CCDC175: variants seen among roughly 807,000 people sequenced by gnomAD.
CCDC175 encodes the protein coiled-coil domain-containing protein 175.
CCDC175 carries 100 observed loss-of-function variants against 114.6 expected under a neutral mutation model. The ratio of observed to expected loss-of-function variants is 0.87; its 90% confidence interval spans 0.74 to 1.03. CCDC175 has a LOEUF of 1.03. CCDC175 is among the 50% of genes least tolerant of loss of function. The pLI is 0.00. For synonymous variants in CCDC175, 306 were observed against 308.7 expected (o/e 0.99, Z 0.09); for missense variants, 880 against 917.8 (o/e 0.96, Z 0.53).
intron 19 of CCDC175, 66 bp from the exon 20 acceptor site, chr14:59,505,381 G>T: frequency 1.2e-6 from 1 of 851,814 alleles, no homozygotes; most frequent in Non-Finnish European, 1.7e-6. Context: ...GGTTATTAGT[G>T]TTCATTAAAA....
rs575625839 is a variant in CCDC175, at chr14:59,547,405, C to G, written c.1036-2106G>C. 2.6e-5 allele frequency among the ~76,000 whole-genome samples: 4 copies of G among 152,232 alleles called. No homozygotes were observed. The East Asian group carries it at 7.7e-4, about 29-fold the overall frequency. On this transcript the variant is annotated intron_variant, in intron 8 of 19. Transcript: ENST00000537690. ...TTGAAAAGGTCAAGAATAGCTGGAACACTTTTGAAGAACAAAGGTGAAGGA... is the reference window on the plus strand; with the variant it reads ...TTGAAAAGGTCAAGAATAGCTGGAAGACTTTTGAAGAACAAAGGTGAAGGA...
rs375932162 is a variant in CCDC175 at position 59,538,071 on chromosome 14, T to C, written c.1575A>G (p.Ala525=). 5.0e-5 allele frequency: 76 copies of C among 1,531,502 alleles called. No homozygotes were observed. The African/African-American group carries it at 8.8e-4, about 18-fold the overall frequency. The allele number at this position is 1,531,502 out of a possible 1,614,324, so 94.9% of individuals were successfully genotyped here. ...LTTELKEEEK[A]FVNKEKMLMK... ...TTAACATTTTTTCTTTGTTAACAAA[T>C]GCTTTCTCCTCTTCTTTTAATTCTG... The change falls in exon 13 of 20, where the codon GCA becomes GCG. Residue 525 remains alanine, a synonymous_variant. Coordinates refer to ENST00000537690, the MANE Select transcript of CCDC175 (RefSeq NM_001164399.2).
At position 59,568,290 on chromosome 14, in the gene CCDC175, A is replaced by G; in HGVS notation, c.446T>C (p.Leu149Pro). Residue 149 changes from leucine (L) to proline (P), a missense_variant, in exon 4 of 20, where the codon CTG (leucine) becomes CCG (proline). Transcript: ENST00000537690. ...TGTCAGGTCAGTTATTTTCTTCTTC[A>G]GAAGCTCTATTTCATTCTCTGTCCT... ...ITRTENEIELLKKKITDLTKY... is the reference protein window; with the variant it reads ...ITRTENEIELPKKKITDLTKY... The G allele has an allele frequency of 6.5e-7, 1 of 1,533,054 alleles. No homozygotes were observed. Among genetic ancestry groups the G allele is most frequent in the South Asian group, 1.2e-5 (1 of 82,726 alleles). 95.0% of individuals were successfully genotyped at this position (1,533,054 alleles called of 1,614,324 possible). A position where few individuals can be genotyped will look rare whatever the true frequency, so the allele number is the denominator to read the frequency against.
chr14:59,566,197 C>G (rs1273235223), intron 4 of CCDC175, among the ~76,000 whole-genome samples: 1 of 152,186 alleles, frequency 6.6e-6, no homozygotes, highest in African/African-American at 2.4e-5. Context: ...CCTCACACAT[C>G]CATTGCGGGC....
intron 17 of CCDC175, among the ~76,000 whole-genome samples, chr14:59,517,122 C>A (rs1201928588): frequency 6.6e-6 from 1 of 152,272 alleles, no homozygotes; most frequent in Middle Eastern, 3.4e-3. Context: ...TTCAACAGCC[C>A]TTCATGCTAA....
At chr14:59,560,999 T>C in intron 7 of CCDC175, 120 bp downstream of exon 7, 1 of 543,312 alleles carries the variant, frequency 1.8e-6, no homozygotes, top group Non-Finnish European at 3.2e-6. Context: ...ACTAAGAGAA[T>C]ATAATTTTCA....
At chr14:59,531,976 GAATATA>G in intron 13 of CCDC175, 66 bp from the exon 14 acceptor site, 1 of 798,726 alleles carries the variant, frequency 1.3e-6, no homozygotes, top group Non-Finnish European at 1.9e-6. Flanking sequence ...ATTTAAAGTA[GAATATA>G]AGTTTTTTGA....
intron 6 of CCDC175, 54 bp downstream of exon 6, chr14:59,563,683 T>A: frequency 8.8e-7 from 1 of 1,142,848 alleles, no homozygotes; most frequent in Non-Finnish European, 1.1e-6. Flanking sequence ...AACTCCTTTT[T>A]TATTGAGGTG....
intron 4 of CCDC175, among the ~76,000 whole-genome samples, chr14:59,566,950 C>T (rs1351675167): frequency 6.6e-6 from 1 of 152,182 alleles, no homozygotes; most frequent in Admixed American, 6.5e-5. Flanking sequence ...AGCAGCATCA[C>T]CTGTCAGGAA....
At chr14:59,525,488 G>A in intron 15 of CCDC175, 54 bp from the exon 16 acceptor site, 1 of 1,346,054 alleles carries the variant, frequency 7.4e-7, no homozygotes, top group Non-Finnish European at 1.0e-6. Context: ...TAGGGCACGA[G>A]GGTATTATAC....
At chr14:59,547,328 A>T (rs1176715533) in intron 8 of CCDC175, among the ~76,000 whole-genome samples, 11 of 152,248 alleles carry the variant, frequency 7.2e-5, no homozygotes, top group African/African-American at 1.9e-4. Flanking sequence ...TTACAGATTT[A>T]ACACAATCCC....
chr14:59,532,761 T>C (rs1894145507), intron 13 of CCDC175, among the ~76,000 whole-genome samples: 1 of 152,278 alleles, frequency 6.6e-6, no homozygotes, highest in African/African-American at 2.4e-5. Flanking sequence ...GTTAGGCTCA[T>C]GCTGAGGATG....
chr14:59,515,232 T>C (rs898904096), intron 17 of CCDC175, among the ~76,000 whole-genome samples: 1 of 152,166 alleles, frequency 6.6e-6, no homozygotes, highest in Non-Finnish European at 1.5e-5. Flanking sequence ...GTAAAGACCA[T>C]TGAGGCTAGG....
intron 7 of CCDC175, among the ~76,000 whole-genome samples, chr14:59,552,866 G>A (rs1464571022): frequency 1.0e-5 from 1 of 97,010 alleles, no homozygotes; most frequent in African/African-American, 3.0e-5. Context: ...AAGGGTATCA[G>A]TGATTGAAAT....
intron 13 of CCDC175, among the ~76,000 whole-genome samples, chr14:59,534,564 C>CAGTTGCAGAAGGTCAAGTCCTAT (rs1343983478): frequency 1.3e-5 from 2 of 152,170 alleles, no homozygotes; most frequent in Admixed American, 1.3e-4. Context: ...CTAGATATCA[C>CAGTTGCAGAAGGTCAAGTCCTAT]AGTTGCAGAA....
chr14:59,568,477 T>C lies in CCDC175; in HGVS notation c.356-97A>G, dbSNP rs114822249. 160 of 954,886 alleles carry C rather than the reference T, an allele frequency of 1.7e-4. 1 individual carries two copies. Among genetic ancestry groups the C allele is most frequent in the African/African-American group, 1.1e-3 (63 of 58,132 alleles). 59.2% of individuals were successfully genotyped at this position (954,886 alleles called of 1,614,324 possible). A position where few individuals can be genotyped will look rare whatever the true frequency, so the allele number is the denominator to read the frequency against. ...AAAAAGCTTTCTTTGAAATATTCTT[T>C]TAATAATGTTTTTTATCAAGCATTT... is the stretch of plus-strand genomic sequence containing the variant. On this transcript the variant is annotated intron_variant, in intron 3 of 19. Transcript: ENST00000537690.
At chr14:59,568,495 A>C (rs1000521572) in intron 3 of CCDC175, 115 bp from the exon 4 acceptor site, 154 of 842,348 alleles carry the variant, frequency 1.8e-4, no homozygotes, top group Non-Finnish European at 2.5e-4. Flanking sequence ...GTTTTTTATC[A>C]AGCATTTCTT....
chr14:59,532,886 A>C lies in CCDC175; in HGVS notation c.1624-976T>G, dbSNP rs990092220. ...TGAGCATCTTCCCGACTAGATGTTC[A>C]GACTCACAAAATTTGATTAGGCTAC... On this transcript the variant is annotated intron_variant, in intron 13 of 19. Transcript: ENST00000537690. Among the ~76,000 whole-genome samples, 6 of 152,250 alleles carry C rather than the reference A, an allele frequency of 3.9e-5. No individual in the cohort carries two copies. The East Asian group carries it at 9.6e-4, about 24-fold the overall frequency.
At chr14:59,549,019 T>C (rs1482595981) in intron 8 of CCDC175, among the ~76,000 whole-genome samples, 1 of 152,218 alleles carries the variant, frequency 6.6e-6, no homozygotes, top group African/African-American at 2.4e-5. Context: ...AAGATGGCTT[T>C]GTGCTCTGCA....
Sources: allele counts gnomAD v4.1 joint callset (sites outside exome capture counted in the v4.1 genomes callset), GRCh38; gene constraint gnomAD v4.1.1; transcripts MANE v1.5; gene names NCBI Gene and HGNC (gene_info 2026-07-23, HGNC 2026-07-21).